Variants in NRXN1 observed in about 807,000 individuals in gnomAD.
NRXN1 encodes neurexin-1.
A neutral mutation model predicts 150.9 loss-of-function variants in NRXN1; 39 were observed. The observed-to-expected ratio is 0.26, with a 90% CI of 0.20 to 0.34. The LOEUF (loss-of-function observed/expected upper bound fraction) is 0.34, where lower values mean the gene tolerates loss of function less well. Ranked by LOEUF, NRXN1 falls within the 10% of genes least tolerant of loss-of-function variation. NRXN1 has a pLI of 1.00. For missense variants in NRXN1, 1,815 were observed against 1,949.9 expected (o/e 0.93, Z 1.30); for synonymous variants, 924 against 757.0 (o/e 1.22, Z -3.62).
intron 5 of NRXN1, among the ~76,000 whole-genome samples, chr2:50,803,887 T>C (rs534830232): frequency 6.6e-6 from 1 of 152,288 alleles, no homozygotes; most frequent in African/African-American, 2.4e-5. Flanking sequence ...TGATAGTTTG[T>C]TTTTCTTTTC....
intron 9 of NRXN1, among the ~76,000 whole-genome samples, chr2:50,549,684 G>C (rs1667147616): frequency 6.6e-6 from 1 of 152,166 alleles, no homozygotes; most frequent in African/African-American, 2.4e-5. Flanking sequence ...GGTACAAATA[G>C]AGTAATTAAT....
chr2:50,967,115 ATTT>A, intron 2 of NRXN1, among the ~76,000 whole-genome samples: 1 of 151,986 alleles, frequency 6.6e-6, no homozygotes, highest in Middle Eastern at 3.4e-3. Flanking sequence ...TATTTTTTAA[ATTT>A]CTCCTCCATA....
intron 22 of NRXN1, among the ~76,000 whole-genome samples, chr2:49,923,747 T>G (rs1572864018): frequency 6.6e-6 from 1 of 152,336 alleles, no homozygotes; most frequent in Non-Finnish European, 1.5e-5. Context: ...TTTCTGTGAT[T>G]TTCTTTTCCT....
chr2:49,963,703 T>G (rs1186783448), intron 21 of NRXN1, among the ~76,000 whole-genome samples: 1 of 152,172 alleles, frequency 6.6e-6, no homozygotes, highest in African/African-American at 2.4e-5. Flanking sequence ...TCCTTTAACA[T>G]CTTTCACCAA....
intron 5 of NRXN1, among the ~76,000 whole-genome samples, chr2:50,717,879 A>T (rs1271078688): frequency 6.6e-6 from 1 of 152,138 alleles, no homozygotes; most frequent in Non-Finnish European, 1.5e-5. Flanking sequence ...TAAGGGAATC[A>T]CATTCATGAG....
chr2:50,552,665 T>A lies in NRXN1; in HGVS notation c.1681A>T (p.Ile561Leu), dbSNP rs375557283. Residue 561 changes from isoleucine (I) to leucine (L), a missense_variant, in exon 9 of 23, where the codon ATA (isoleucine) becomes TTA (leucine). Around this residue, in one of 6 missense-constraint regions of NRXN1, gnomAD observed 638 missense variants for 652.6 expected, o/e 0.98. Coordinates refer to ENST00000401669, the MANE Select transcript of NRXN1 (RefSeq NM_001330078.2). ...TTCTTCAACAGGGCTTTTATTTTTA[T>A]AGTACCTGACCCCATGTCCAGGAGG... ...YLLLDMGSGT[I>L]KIKALLKKVN... is the part of the protein sequence containing the mutation. 4 of 1,613,886 alleles carry A rather than the reference T, an allele frequency of 2.5e-6. No homozygotes were observed. Among genetic ancestry groups the A allele is most frequent in the Admixed American group, 1.7e-5 (1 of 60,020 alleles).
chr2:50,462,917 G>A (rs985250596), intron 17 of NRXN1, among the ~76,000 whole-genome samples: 5 of 151,740 alleles, frequency 3.3e-5, no homozygotes, highest in Non-Finnish European at 5.9e-5. Flanking sequence ...TCTATTTTGG[G>A]GGAGGGAAGG....
At chr2:49,932,709 C>T (rs1670350555) in intron 22 of NRXN1, among the ~76,000 whole-genome samples, 1 of 152,068 alleles carries the variant, frequency 6.6e-6, no homozygotes, top group South Asian at 2.1e-4. Flanking sequence ...CTATGACTTC[C>T]CTGTAACATC....
chr2:50,738,873 A>T (rs979291639), intron 5 of NRXN1, among the ~76,000 whole-genome samples: 2 of 152,160 alleles, frequency 1.3e-5, no homozygotes, highest in Non-Finnish European at 2.9e-5. Context: ...TGCCATAATT[A>T]GGCAACTGGA....
At position 50,497,438 on chromosome 2, in the gene NRXN1, G is replaced by T; in HGVS notation, c.2774C>A (p.Thr925Asn). The T allele has an allele frequency of 2.5e-6, 4 of 1,613,552 alleles. No homozygotes were observed. Among genetic ancestry groups the T allele is most frequent in the Non-Finnish European group, 3.4e-6 (4 of 1,179,638 alleles). The change falls in exon 14 of 23, where the codon ACT becomes AAT. Residue 925 changes from threonine to asparagine, a missense_variant. Physicochemically the swap from Thr to Asn is moderately conservative, Grantham distance 65. Coordinates refer to ENST00000401669, the MANE Select transcript of NRXN1 (RefSeq NM_001330078.2). ...GAACTGGAAAAAAAGATGCATAGAA[G>T]TGTAGGCTTGCAAGGTAGCTAAGGC... ...YVALATLQAYTSMHLFFQFKT... is the reference protein window; with the variant it reads ...YVALATLQAYNSMHLFFQFKT...
intron 17 of NRXN1, among the ~76,000 whole-genome samples, chr2:50,415,544 A>G (rs1478838928): frequency 6.6e-6 from 1 of 152,192 alleles, no homozygotes; most frequent in African/African-American, 2.4e-5. Flanking sequence ...AAGCATGGAT[A>G]ATGATTTGAA....
chr2:50,311,302 A>C lies in NRXN1; in HGVS notation c.3365-74332T>G, dbSNP rs186676718. On this transcript the variant is annotated intron_variant, in intron 17 of 22. Coordinates refer to ENST00000401669, the MANE Select transcript of NRXN1 (RefSeq NM_001330078.2). ...AGAAAAGCATGCATCATAGAAAATC[A>C]TATCTTCCTAGATAATGAATTTCCA... 8.3e-4 allele frequency among the ~76,000 whole-genome samples: 126 copies of C among 152,296 alleles called. 1 individual carries two copies. Among genetic ancestry groups the C allele is most frequent in the South Asian group, 1.7e-3 (8 of 4,830 alleles).
At chr2:50,431,121 A>G (rs950286433) in intron 17 of NRXN1, among the ~76,000 whole-genome samples, 3 of 152,066 alleles carry the variant, frequency 2.0e-5, no homozygotes, top group Non-Finnish European at 4.4e-5. Context: ...TTTCTACCTG[A>G]TCTGATCTCT....
intron 5 of NRXN1, among the ~76,000 whole-genome samples, chr2:50,818,457 AT>A (rs769858385): frequency 2.0e-5 from 3 of 151,774 alleles, no homozygotes; most frequent in Non-Finnish European, 4.4e-5. Context: ...TTAATTTTTT[AT>A]TTTTTTATTG....
chr2:50,943,451 C>T (rs1319991296), intron 2 of NRXN1, among the ~76,000 whole-genome samples: 2 of 152,154 alleles, frequency 1.3e-5, no homozygotes, highest in Non-Finnish European at 1.5e-5. Context: ...TCACTGGCAA[C>T]AAGACATACT....
At chr2:50,868,150 TATATATATATATATATATATATA>T (rs2106078922) in intron 5 of NRXN1, among the ~76,000 whole-genome samples, 1 of 33,210 alleles carries the variant, frequency 3.0e-5, no homozygotes, top group East Asian at 1.6e-3. Flanking sequence ...ATTATATATA[TATATATATATATATATATATATA>T]TATATATATA....
intron 2 of NRXN1, among the ~76,000 whole-genome samples, chr2:50,953,710 C>T (rs1168221323): frequency 2.0e-5 from 3 of 151,962 alleles, no homozygotes; most frequent in South Asian, 2.1e-4. Context: ...TATAAGTACC[C>T]GCCACCATGC....
chr2:50,858,001 G>A (rs1276446386), intron 5 of NRXN1, among the ~76,000 whole-genome samples: 1 of 151,880 alleles, frequency 6.6e-6, no homozygotes, highest in East Asian at 1.9e-4. Context: ...TACAGCTATG[G>A]GTATCAGAAT....
intron 17 of NRXN1, among the ~76,000 whole-genome samples, chr2:50,414,973 C>G (rs1458925604): frequency 6.6e-6 from 1 of 152,056 alleles, no homozygotes; most frequent in Admixed American, 6.6e-5. Flanking sequence ...TACTGAAGCT[C>G]TTTCAATGGA....
Sources: gnomAD v4.1 joint callset for allele counts (sites outside exome capture counted in the v4.1 genomes callset) on GRCh38, gnomAD v4.1.1 for gene constraint, gnomAD v4.1.1 regional missense constraint, MANE v1.5 for transcripts, NCBI Gene and HGNC (gene_info 2026-07-23, HGNC 2026-07-21) for gene names.